Variants in RAB43 observed in about 807,000 individuals in gnomAD.
The protein encoded by RAB43 is RAB43, member RAS oncogene family.
Under a neutral mutation model 18.8 loss-of-function variants are expected in RAB43, and 6 were observed. The ratio of observed to expected loss-of-function variants is 0.32; its 90% CI spans 0.17 to 0.63. RAB43 has a LOEUF of 0.63. Ranked by LOEUF, RAB43 falls within the 30% of genes least tolerant of loss-of-function variation. RAB43 has a pLI of 0.79. For missense variants in RAB43, 195 were observed against 289.1 expected (o/e 0.67, Z 2.36); for synonymous variants, 103 against 124.1 (o/e 0.83, Z 1.13).
chr3:129,089,359 G>A lies in RAB43; in HGVS notation c.*1737C>T, dbSNP rs1162731900. On this transcript the variant is annotated 3_prime_UTR_variant, in exon 3 of 3. Transcript: ENST00000315150. ...CAGGCACTGCAGTGGAGGCGCAGGG[G>A]CAGAGCCCAGACCCCACTCAGCTCC... 19 of 128,912 alleles carry A rather than the reference G, an allele frequency of 1.5e-4. No individual in the cohort carries two copies. The highest frequency in any genetic ancestry group is 5.1e-4 in the African/African-American group (17 of 33,618). The allele number at this position is 128,912 out of a possible 1,614,324, so 8.0% of individuals were successfully genotyped here. A position where few individuals can be genotyped will look rare whatever the true frequency, so the allele number is the denominator to read the frequency against.
Position 129,090,044 on chromosome 3 carries a change from A to C in RAB43, c.*1052T>G, listed in dbSNP as rs1933543693. ...ACAATGCTGCTTCCCACATCCCCCT[A>C]CCCCACTTTTGCCTTCTAACCTTGG... On this transcript the variant is annotated 3_prime_UTR_variant, in exon 3 of 3. Transcript: ENST00000315150. The C allele has an allele frequency of 7.0e-6, 1 of 141,950 alleles. No homozygotes were observed. Among genetic ancestry groups the C allele is most frequent in the South Asian group, 2.3e-4 (1 of 4,326 alleles). 8.8% of individuals were successfully genotyped at this position (141,950 alleles called of 1,614,324 possible). A position where few individuals can be genotyped will look rare whatever the true frequency, so the allele number is the denominator to read the frequency against.
At chr3:129,117,261 C>G (rs775883367) in intron 1 of RAB43, among the ~76,000 whole-genome samples, 27 of 152,024 alleles carry the variant, frequency 1.8e-4, no homozygotes, top group Non-Finnish European at 3.4e-4. Flanking sequence ...TTCTGACAAC[C>G]CTAAGAAAGA....
chr3:129,102,876 C>CT (rs1934517034), intron 1 of RAB43, among the ~76,000 whole-genome samples: 1 of 152,142 alleles, frequency 6.6e-6, no homozygotes, highest in Non-Finnish European at 1.5e-5. Context: ...TGATCTGTCA[C>CT]TTTAACTACG....
Position 129,094,505 on chromosome 3 carries a change from CTTTTTTTTTTT to C in RAB43, c.388+470_388+480del, listed in dbSNP as rs200896936. Reference sequence around the variant, plus strand: ...TAATTCCAATTTTGAATATAACTTTCTTTTTTTTTTTTTTTTTTTTTTTTTTTTGAGACGAA... The same window carrying C: ...TAATTCCAATTTTGAATATAACTTTCTTTTTTTTTTTTTTTTTGAGACGAA... On this transcript the variant is annotated intron_variant, in intron 2 of 2. Transcript: ENST00000315150. Among the ~76,000 whole-genome samples the C allele has an allele frequency of 4.8e-3, 334 of 69,140 alleles. 2 individuals carry two copies. Among genetic ancestry groups the C allele is most frequent in the African/African-American group, 0.017 (304 of 18,250 alleles). 45.4% of individuals were successfully genotyped at this position (69,140 alleles called of 152,430 possible). A position where few individuals can be genotyped will look rare whatever the true frequency, so the allele number is the denominator to read the frequency against.
At chr3:129,110,777 A>T (rs1935115023) in intron 1 of RAB43, among the ~76,000 whole-genome samples, 1 of 152,148 alleles carries the variant, frequency 6.6e-6, no homozygotes, top group African/African-American at 2.4e-5. Flanking sequence ...AACTGTGGTG[A>T]TGACTGCACA....
intron 1 of RAB43, among the ~76,000 whole-genome samples, chr3:129,109,082 A>G (rs1465379415): frequency 6.6e-6 from 1 of 151,552 alleles, no homozygotes. Flanking sequence ...AAAAAAAATC[A>G]TGGCTTGTAC....
intron 1 of RAB43, among the ~76,000 whole-genome samples, chr3:129,110,814 A>G (rs1315393305): frequency 1.3e-5 from 2 of 152,156 alleles, no homozygotes; most frequent in Non-Finnish European, 2.9e-5. Flanking sequence ...AAAAAACAAA[A>G]AACAAAAAAC....
chr3:129,090,110 A>G lies in RAB43; in HGVS notation c.*986T>C, dbSNP rs1016962703. The G allele has an allele frequency of 8.6e-5, 13 of 150,496 alleles. No homozygotes were observed. Among genetic ancestry groups the G allele is most frequent in the Non-Finnish European group, 1.8e-4 (12 of 67,740 alleles). 9.3% of individuals were successfully genotyped at this position (150,496 alleles called of 1,614,324 possible). A position where few individuals can be genotyped will look rare whatever the true frequency, so the allele number is the denominator to read the frequency against. On this transcript the variant is annotated 3_prime_UTR_variant, in exon 3 of 3. Transcript: ENST00000315150. The stretch of plus-strand genomic sequence containing the variant: ...GAGGCAGTTAAGGGTCCAGGGAATA[A>G]AATGGGCCAGGCCAAGGACCGCCAG...
At chr3:129,113,989 G>A (rs556160162) in intron 1 of RAB43, among the ~76,000 whole-genome samples, 1 of 152,060 alleles carries the variant, frequency 6.6e-6, no homozygotes, top group East Asian at 1.9e-4. Flanking sequence ...ATCACGCCTC[G>A]CGCCACTGCA....
Position 129,091,353 on chromosome 3 carries a change from A to G in RAB43, c.389-7T>C. On this transcript the variant is annotated splice_region_variant and splice_polypyrimidine_tract_variant and intron_variant, in intron 2 of 2. Coordinates refer to ENST00000315150, the MANE Select transcript of RAB43 (RefSeq NM_198490.3). ...CTGAGGTCTGACTTGTTCCCTGCGG[A>G]GGAAAGCCGGGGCAGCATGAGGCCA... 6.2e-7 allele frequency: 1 copy of G among 1,608,012 alleles called. No homozygotes were observed.
In RAB43 at chr3:129,100,816, C is replaced by CT. The variant is rs368002425; in HGVS notation, c.205-5648dup. On this transcript the variant is annotated intron_variant, in intron 1 of 2. Transcript: ENST00000315150. The stretch of plus-strand genomic sequence containing the variant: ...TAGGCTAAAACTTCATTCTGTTTTT[C>CT]TTTTTTTTTGAGACGAGTCTCGCTC... Among the ~76,000 whole-genome samples, 150 of 151,516 alleles carry CT rather than the reference C, an allele frequency of 9.9e-4. 1 individual carries two copies. The highest frequency in any genetic ancestry group is 2.9e-3 in the African/African-American group (119 of 41,334).
chr3:129,107,413 C>T lies in RAB43; in HGVS notation c.205-12244G>A, dbSNP rs1367832063. Among the ~76,000 whole-genome samples, 5 of 152,066 alleles carry T rather than the reference C, an allele frequency of 3.3e-5. No homozygotes were observed. The highest frequency in any genetic ancestry group is 5.9e-5 in the Non-Finnish European group (4 of 68,020). On this transcript the variant is annotated intron_variant, in intron 1 of 2. Coordinates refer to ENST00000315150, the MANE Select transcript of RAB43 (RefSeq NM_198490.3). This position sits in a 1 kb window ranked among gnomAD's most constrained non-coding sequence, Gnocchi z 4.2. ...ATCTGCTTGCCAAGTGCCACCTCTTCCGGGTATTCCTCTTCCTCGCAGGAA... is the reference window on the plus strand; with the variant it reads ...ATCTGCTTGCCAAGTGCCACCTCTTTCGGGTATTCCTCTTCCTCGCAGGAA...
intron 2 of RAB43, 135 bp from the exon 3 acceptor site, chr3:129,091,481 T>G: frequency 8.1e-7 from 1 of 1,232,444 alleles, no homozygotes; most frequent in Non-Finnish European, 1.1e-6. Flanking sequence ...TGGTCATCTG[T>G]CTTTCTTTAA....
rs560766350 is a variant in RAB43 at position 129,119,729 on chromosome 3, C to G, written c.204+1557G>C. Among the ~76,000 whole-genome samples the G allele has an allele frequency of 3.9e-5, 6 of 152,302 alleles. No individual in the cohort carries two copies. In the East Asian group the frequency reaches 1.2e-3, roughly 29 times the overall value. On this transcript the variant is annotated intron_variant, in intron 1 of 2. Transcript: ENST00000315150. Reference sequence around the variant, plus strand: ...CTGCCTGGCCCTGCATTGCATAACCCGTGCGCAGTAAACCAGGAGCTCTGC... The same window carrying G: ...CTGCCTGGCCCTGCATTGCATAACCGGTGCGCAGTAAACCAGGAGCTCTGC...
At chr3:129,119,569 G>C (rs571555162) in intron 1 of RAB43, among the ~76,000 whole-genome samples, 304 of 152,324 alleles carry the variant, frequency 2.0e-3, no homozygotes, top group Non-Finnish European at 2.8e-3. Context: ...ATTCCCAACA[G>C]CCTCTCAAGA....
intron 1 of RAB43, among the ~76,000 whole-genome samples, chr3:129,111,741 A>G (rs916695585): frequency 1.3e-5 from 2 of 152,194 alleles, no homozygotes; most frequent in African/African-American, 4.8e-5. Flanking sequence ...AGATTTTTCT[A>G]CATATTTCAT....
chr3:129,111,211 T>C (rs968029075), intron 1 of RAB43, among the ~76,000 whole-genome samples: 5 of 151,948 alleles, frequency 3.3e-5, no homozygotes, highest in Non-Finnish European at 7.4e-5. Flanking sequence ...GTAGAGCTTC[T>C]AGTAGAGCTT....
At chr3:129,099,152 C>T (rs527496699) in intron 1 of RAB43, among the ~76,000 whole-genome samples, 85 of 150,886 alleles carry the variant, frequency 5.6e-4, no homozygotes, top group Admixed American at 2.8e-3. Context: ...AGTGCAGTGG[C>T]GCGGTCTCGG....
intron 2 of RAB43, among the ~76,000 whole-genome samples, chr3:129,091,694 G>C (rs944005424): frequency 1.3e-5 from 2 of 151,812 alleles, no homozygotes; most frequent in Non-Finnish European, 2.9e-5. Context: ...ATTGCTCCTT[G>C]ACCCAATTTC....
Sources: gnomAD v4.1 joint callset for allele counts (sites outside exome capture counted in the v4.1 genomes callset) on GRCh38, gnomAD v4.1.1 for gene constraint, Gnocchi (gnomAD v3.1) non-coding constraint, MANE v1.5 for transcripts, NCBI Gene and HGNC (gene_info 2026-07-23, HGNC 2026-07-21) for gene names.